The following TAPBPL variants were observed in gnomAD, a reference collection of about 807,000 sequenced individuals.
TAPBPL encodes the protein TAP binding protein like.
In TAPBPL, 32 loss-of-function variants were observed where a neutral mutation model predicts 44.8. The observed-to-expected ratio is 0.71, with a 90% confidence interval of 0.54 to 0.96. The LOEUF is 0.96. Ranked by LOEUF, TAPBPL falls within the 40% of genes least tolerant of loss-of-function variation. The pLI is 0.00. For missense variants in TAPBPL, 520 were observed against 586.6 expected (o/e 0.89, Z 1.17); for synonymous variants, 230 against 240.7 (o/e 0.96, Z 0.41).
At chr12:6,456,589 C>T (rs986107662) in intron 3 of TAPBPL, among the ~76,000 whole-genome samples, 1 of 152,068 alleles carries the variant, frequency 6.6e-6, no homozygotes, top group African/African-American at 2.4e-5. Flanking sequence ...GTCTCAAACT[C>T]CCAACCTCAG....
chr12:6,453,707 C>G lies in TAPBPL; in HGVS notation c.556C>G (p.Arg186Gly). The G allele has an allele frequency of 6.3e-7, 1 of 1,594,662 alleles. No individual in the cohort carries two copies. Among genetic ancestry groups the G allele is most frequent in the Non-Finnish European group, 8.5e-7 (1 of 1,169,600 alleles). Residue 186 changes from arginine (R) to glycine (G), a missense_variant, in exon 3 of 7, where the codon CGA (arginine) becomes GGA (glycine). Physicochemically the swap from Arg to Gly is moderately radical, Grantham distance 125. Coordinates refer to ENST00000266556, the MANE Select transcript of TAPBPL (RefSeq NM_018009.5). The surrounding 1 kb of genome is among the most constrained non-coding windows in gnomAD (Gnocchi z 4.8). ...GCCACTGAGCCCCCAGGGGACTGTG[C>G]GAACTGCAGGTAAGAAAATGAAAAG... ...NLPLSPQGTV[R>G]TAVEFQVMTQ...
Position 6,457,724 on chromosome 12 carries a change from T to A in TAPBPL, c.884T>A (p.Ile295Asn). 6.3e-7 allele frequency: 1 copy of A among 1,589,008 alleles called. No homozygotes were observed. Among genetic ancestry groups the A allele is most frequent in the Non-Finnish European group, 8.6e-7 (1 of 1,162,150 alleles). ...ACCTCTCTGTACCGAGCTCAGCAGA[T>A]CATCCAGCTCAACATCCAAGGTGAG... The part of the protein sequence containing the change: ...ITTSLYRAQQ[I>N]IQLNIQASPK... Residue 295 changes from isoleucine (I) to asparagine (N), a missense_variant, in exon 4 of 7, where the codon ATC (isoleucine) becomes AAC (asparagine). By Grantham distance (149) the Ile-to-Asn change is moderately radical. Transcript: ENST00000266556.
chr12:6,463,427 G>A (rs1949931704), downstream of TAPBPL: 43 of 1,052,876 alleles, frequency 4.1e-5, no homozygotes, highest in East Asian at 8.8e-5. The surrounding 1 kb of genome is among the most constrained non-coding windows in gnomAD (Gnocchi z 4.0). Flanking sequence ...GCAAGTGCAC[G>A]GGTGGTGTGG....
In TAPBPL at chr12:6,453,306, C is replaced by T; in HGVS notation, c.295+9C>T. ...TATCTTTGAGGCCTCAGGTAAAAGC[C>T]TTCCACCTGTGTCCTTGGTCCTCCC... On this transcript the variant is annotated intron_variant, in intron 2 of 6. Transcript: ENST00000266556. The surrounding 1 kb of genome is among the most constrained non-coding windows in gnomAD (Gnocchi z 4.8). The T allele has an allele frequency of 6.2e-7, 1 of 1,613,422 alleles. No individual in the cohort carries two copies. Among genetic ancestry groups the T allele is most frequent in the Non-Finnish European group, 8.5e-7 (1 of 1,179,748 alleles).
chr12:6,463,456 T>A (rs908634595), downstream of TAPBPL: 6 of 1,038,998 alleles, frequency 5.8e-6, no homozygotes, highest in Admixed American at 5.1e-5. This position sits in a 1 kb window ranked among gnomAD's most constrained non-coding sequence, Gnocchi z 4.0. Context: ...ATTCCATGGG[T>A]GTCCAAAGAT....
chr12:6,469,117 T>C (rs762013230), downstream of TAPBPL, among the ~76,000 whole-genome samples: 1 of 152,208 alleles, frequency 6.6e-6, no homozygotes, highest in Non-Finnish European at 1.5e-5. Context: ...TCATTCCCCA[T>C]TTGAAGAATC....
chr12:6,455,450 T>C (rs955974897), intron 3 of TAPBPL, among the ~76,000 whole-genome samples: 1 of 152,034 alleles, frequency 6.6e-6, no homozygotes, highest in African/African-American at 2.4e-5. Flanking sequence ...AGAACAAAAA[T>C]AAAATCAGCT....
chr12:6,470,993 C>A, downstream of TAPBPL: 1 of 164,102 alleles, frequency 6.1e-6, no homozygotes, highest in Non-Finnish European at 1.3e-5. Context: ...GTGGTGCCTC[C>A]CAACCAATCG....
chr12:6,457,323 C>T (rs928373541), intron 3 of TAPBPL, 83 bp from the exon 4 acceptor site: 13 of 1,380,402 alleles, frequency 9.4e-6, no homozygotes, highest in Non-Finnish European at 1.3e-5. Flanking sequence ...CAGGTGTATG[C>T]CCACAACATG....
At chr12:6,452,416 C>T in intron 1 of TAPBPL, 104 bp downstream of exon 1, 2 of 1,477,542 alleles carry the variant, frequency 1.4e-6, no homozygotes, top group Non-Finnish European at 1.8e-6. Context: ...CGGGGATGAC[C>T]CCATCGCCTT....
At chr12:6,455,589 A>C (rs988813415) in intron 3 of TAPBPL, among the ~76,000 whole-genome samples, 9 of 152,110 alleles carry the variant, frequency 5.9e-5, no homozygotes, top group Non-Finnish European at 1.3e-4. Context: ...CTAGTATGCC[A>C]CAGATCTTCA....
At chr12:6,465,803 A>T, downstream of TAPBPL, 2 of 1,610,022 alleles carry the variant, frequency 1.2e-6, no homozygotes, top group Non-Finnish European at 1.7e-6. Context: ...TACCAGTGGA[A>T]GCCCAGGAAA....
downstream of TAPBPL, chr12:6,465,776 A>G: frequency 9.4e-6 from 15 of 1,587,714 alleles, no homozygotes; most frequent in South Asian, 1.7e-4. Flanking sequence ...GTAGAAGCTG[A>G]GGGTTTTCTT....
chr12:6,470,083 G>A (rs1335610730), downstream of TAPBPL, among the ~76,000 whole-genome samples: 1 of 152,150 alleles, frequency 6.6e-6, no homozygotes, highest in Admixed American at 6.5e-5. Context: ...CAAATCCAGA[G>A]ATTGTAGGGC....
downstream of TAPBPL, chr12:6,466,480 C>G: frequency 1.0e-6 from 1 of 995,636 alleles, no homozygotes; most frequent in African/African-American, 1.6e-5. Context: ...CCCAGGAGTT[C>G]GAGGCCAGCC....
chr12:6,467,716 C>T (rs1046584549), downstream of TAPBPL, among the ~76,000 whole-genome samples: 12 of 152,360 alleles, frequency 7.9e-5, no homozygotes, highest in African/African-American at 2.6e-4. Context: ...CATCACAGGC[C>T]TGGAGGCCCA....
At chr12:6,468,301 T>A (rs1945680498), downstream of TAPBPL, among the ~76,000 whole-genome samples, 1 of 152,236 alleles carries the variant, frequency 6.6e-6, no homozygotes, top group African/African-American at 2.4e-5. Flanking sequence ...GTTATTGGTT[T>A]ATATGCCCAG....
At chr12:6,464,275 A>C (rs1386229193), downstream of TAPBPL, 62 of 1,538,204 alleles carry the variant, frequency 4.0e-5, no homozygotes, top group Non-Finnish European at 9.6e-6. Flanking sequence ...AATGACTTAG[A>C]TTGTGCCACG....
chr12:6,464,744 C>T (rs71584833), downstream of TAPBPL: 12,328 of 1,519,884 alleles, frequency 8.1e-3, 826 homozygotes, highest in African/African-American at 0.15. Flanking sequence ...GCCCTTCCCC[C>T]GTCCCGAACC....
Sources: allele counts gnomAD v4.1 joint callset (sites outside exome capture counted in the v4.1 genomes callset), GRCh38; gene constraint gnomAD v4.1.1; non-coding constraint Gnocchi (gnomAD v3.1); transcripts MANE v1.5; gene names NCBI Gene and HGNC (gene_info 2026-07-23, HGNC 2026-07-21).